CNTNAP2: variants seen among roughly 807,000 people sequenced by gnomAD.
CNTNAP2 encodes contactin-associated protein-like 2.
CNTNAP2 carries 98 observed loss-of-function variants against 155.2 expected under a neutral mutation model. The observed-to-expected ratio is 0.63, with a 90% CI of 0.54 to 0.75. CNTNAP2 has a LOEUF of 0.75. Ranked by LOEUF, CNTNAP2 falls within the 30% of genes least tolerant of loss-of-function variation. The pLI is 0.00. For synonymous variants in CNTNAP2, 651 were observed against 631.2 expected, an observed-to-expected ratio of 1.03 and a Z score of -0.47; for missense variants, 1,727 against 1,688.1, an observed-to-expected ratio of 1.02 and a Z score of -0.40.
intron 13 of CNTNAP2, among the ~76,000 whole-genome samples, chr7:147,810,478 G>A (rs549206522): frequency 6.6e-6 from 1 of 152,052 alleles, no homozygotes; most frequent in Non-Finnish European, 1.5e-5. Context: ...ATGTCAAAGA[G>A]CTTGCCATAT....
chr7:148,236,536 G>A (rs1469392458), intron 20 of CNTNAP2, among the ~76,000 whole-genome samples: 1 of 152,134 alleles, frequency 6.6e-6, no homozygotes, highest in African/African-American at 2.4e-5. Flanking sequence ...CGACCATTCT[G>A]TCTCTTTTGA....
At chr7:146,499,963 A>G (rs1420089612) in intron 1 of CNTNAP2, among the ~76,000 whole-genome samples, 4 of 152,018 alleles carry the variant, frequency 2.6e-5, no homozygotes, top group Non-Finnish European at 5.9e-5. Flanking sequence ...TTATTCCTAA[A>G]TATTTTCTTT....
chr7:147,466,579 C>A (rs1190402398), intron 10 of CNTNAP2, among the ~76,000 whole-genome samples: 2 of 152,082 alleles, frequency 1.3e-5, no homozygotes, highest in African/African-American at 4.8e-5. Context: ...GCCACTGAGG[C>A]CTTCATTTGG....
intron 11 of CNTNAP2, among the ~76,000 whole-genome samples, chr7:147,550,731 G>A (rs1341512623): frequency 1.3e-5 from 2 of 151,990 alleles, no homozygotes; most frequent in Admixed American, 1.3e-4. Flanking sequence ...TGTAGAGCTG[G>A]GCCAGCACCT....
intron 1 of CNTNAP2, among the ~76,000 whole-genome samples, chr7:146,236,197 A>G (rs1285186815): frequency 6.6e-6 from 1 of 152,202 alleles, no homozygotes; most frequent in East Asian, 1.9e-4. Context: ...AATAGAAGTA[A>G]GAGTCAAAAT....
chr7:148,190,590 T>C (rs1381477388), intron 18 of CNTNAP2: 1 of 152,068 alleles, frequency 6.6e-6, no homozygotes, highest in Admixed American at 6.6e-5. Flanking sequence ...TGAAAGGAGA[T>C]TTATTTGGGG....
At chr7:146,254,610 A>AATTAACC (rs1250114735) in intron 1 of CNTNAP2, among the ~76,000 whole-genome samples, 1 of 152,236 alleles carries the variant, frequency 6.6e-6, no homozygotes, top group Non-Finnish European at 1.5e-5. Context: ...TAGAAATAAA[A>AATTAACC]ATTAACCAGG....
At chr7:147,077,646 G>C (rs759223053) in intron 4 of CNTNAP2, among the ~76,000 whole-genome samples, 7 of 152,152 alleles carry the variant, frequency 4.6e-5, no homozygotes, top group South Asian at 2.1e-4. Flanking sequence ...CAGTGGAGTG[G>C]TTGAGTACAA....
intron 10 of CNTNAP2, among the ~76,000 whole-genome samples, chr7:147,484,076 C>T (rs979512227): frequency 3.9e-5 from 6 of 152,088 alleles, no homozygotes; most frequent in South Asian, 2.1e-4. Flanking sequence ...TATAGCATTT[C>T]GTGTATCTTT....
At chr7:147,742,473 C>T (rs555861989) in intron 13 of CNTNAP2, among the ~76,000 whole-genome samples, 52 of 152,262 alleles carry the variant, frequency 3.4e-4, no homozygotes, top group South Asian at 1.0e-3. Flanking sequence ...ATCAGTGTTT[C>T]GACAGGATGT....
chr7:146,887,055 T>G (rs556234861), intron 3 of CNTNAP2, among the ~76,000 whole-genome samples: 2 of 152,090 alleles, frequency 1.3e-5, no homozygotes, highest in African/African-American at 4.8e-5. Context: ...TTCCCCAGTC[T>G]CCTTATTTAC....
intron 3 of CNTNAP2, among the ~76,000 whole-genome samples, chr7:146,926,110 A>C (rs191155791): frequency 9.7e-4 from 147 of 152,270 alleles, no homozygotes; most frequent in African/African-American, 3.3e-3. Context: ...ACTGTGGTAC[A>C]TGGCCTTTGG....
At chr7:148,339,496 C>G (rs1328855055) in intron 21 of CNTNAP2, 1 of 152,198 alleles carries the variant, frequency 6.6e-6, no homozygotes, top group East Asian at 1.9e-4. Context: ...GCGGTGGACT[C>G]AAAGCTGCCC....
intron 1 of CNTNAP2, among the ~76,000 whole-genome samples, chr7:146,212,002 A>T (rs1476331563): frequency 6.6e-6 from 1 of 152,176 alleles, no homozygotes; most frequent in African/African-American, 2.4e-5. Flanking sequence ...TATCGGATTC[A>T]TATACTGAAA....
At chr7:148,263,259 A>G (rs1372341531) in intron 20 of CNTNAP2, 1 of 152,242 alleles carries the variant, frequency 6.6e-6, no homozygotes, top group African/African-American at 2.4e-5. Flanking sequence ...AGAACTGTAC[A>G]GCATGACCCA....
chr7:146,631,185 C>T (rs1799504800), intron 1 of CNTNAP2, among the ~76,000 whole-genome samples: 1 of 152,120 alleles, frequency 6.6e-6, no homozygotes, highest in South Asian at 2.1e-4. Context: ...GCAACCAATA[C>T]AGCATGGTAC....
intron 21 of CNTNAP2, among the ~76,000 whole-genome samples, chr7:148,318,252 C>T (rs1797726176): frequency 6.6e-6 from 1 of 152,178 alleles, no homozygotes; most frequent in Non-Finnish European, 1.5e-5. Context: ...ATCCATCAAA[C>T]CGCCCCCTGC....
intron 21 of CNTNAP2, chr7:148,381,498 T>C (rs896374470): frequency 1.3e-5 from 2 of 152,240 alleles, no homozygotes; most frequent in Non-Finnish European, 2.9e-5. Flanking sequence ...TCTTCTCTGA[T>C]GTTACGTGTC....
At chr7:146,379,090 G>T (rs1232288717) in intron 1 of CNTNAP2, among the ~76,000 whole-genome samples, 1 of 152,184 alleles carries the variant, frequency 6.6e-6, no homozygotes, top group Non-Finnish European at 1.5e-5. Context: ...GGGCCTAGGA[G>T]ACTTGCCTAT....
Sources: gnomAD v4.1 joint callset for allele counts (sites outside exome capture counted in the v4.1 genomes callset) on GRCh38, gnomAD v4.1.1 for gene constraint, MANE v1.5 for transcripts, NCBI Gene and HGNC (gene_info 2026-07-23, HGNC 2026-07-21) for gene names.